PRKCE: variants seen among roughly 807,000 people sequenced by gnomAD.
PRKCE encodes the protein protein kinase C epsilon, also known as protein kinase C epsilon type.
Under a neutral mutation model 85.4 loss-of-function variants are expected in PRKCE, and 16 were observed. That is an observed-to-expected ratio of 0.19 (90% CI 0.13 to 0.28). PRKCE has a LOEUF of 0.28. PRKCE is among the 10% of genes least tolerant of loss of function. The pLI is 1.00. For missense variants in PRKCE, 573 were observed against 975.2 expected (o/e 0.59, Z 5.49); for synonymous variants, 388 against 371.5 (o/e 1.04, Z -0.51).
At chr2:45,980,933 T>C (rs1039583152) in intron 5 of PRKCE, among the ~76,000 whole-genome samples, 7 of 152,224 alleles carry the variant, frequency 4.6e-5, no homozygotes, top group Non-Finnish European at 7.3e-5. Flanking sequence ...TAGATGTTAT[T>C]ATCTTCATTT....
intron 2 of PRKCE, among the ~76,000 whole-genome samples, chr2:45,973,915 A>C (rs907197565): frequency 5.9e-5 from 9 of 152,236 alleles, no homozygotes; most frequent in Non-Finnish European, 8.8e-5. Context: ...TCAATTTGAG[A>C]GATTTGTAAA....
At chr2:45,814,607 A>G (rs1038201606) in intron 1 of PRKCE, among the ~76,000 whole-genome samples, 3 of 152,204 alleles carry the variant, frequency 2.0e-5, no homozygotes, top group Non-Finnish European at 4.4e-5. Context: ...CTCCCTCATC[A>G]CCACCGATCT....
intron 1 of PRKCE, among the ~76,000 whole-genome samples, chr2:45,805,596 C>CTTT (rs529307964): frequency 1.3e-3 from 188 of 142,628 alleles, no homozygotes; most frequent in South Asian, 6.5e-3. Context: ...TTACCTTCCT[C>CTTT]TTTTTTTTTT....
intron 1 of PRKCE, 50 bp from the exon 2 acceptor site, chr2:45,842,950 G>A (rs1297687993): frequency 6.5e-7 from 1 of 1,546,098 alleles, no homozygotes. Context: ...GAACTCTTAG[G>A]TTGCCCACAC....
chr2:46,017,414 T>C (rs985390464), intron 10 of PRKCE, among the ~76,000 whole-genome samples: 2 of 152,242 alleles, frequency 1.3e-5, no homozygotes, highest in African/African-American at 4.8e-5. Context: ...CCAAATACTA[T>C]TCTATCATGT....
At chr2:46,058,603 C>T (rs779985820) in intron 10 of PRKCE, among the ~76,000 whole-genome samples, 8 of 152,126 alleles carry the variant, frequency 5.3e-5, no homozygotes, top group Non-Finnish European at 1.2e-4. Context: ...CACCTGGTGG[C>T]GGAGTGTCGG....
intron 1 of PRKCE, among the ~76,000 whole-genome samples, chr2:45,832,369 G>A (rs1690501911): frequency 6.7e-6 from 1 of 148,840 alleles, no homozygotes; most frequent in Non-Finnish European, 1.5e-5. Context: ...CTGGAGTGCA[G>A]GGAGGCAATT....
chr2:46,042,809 C>T (rs1708289978), intron 10 of PRKCE, among the ~76,000 whole-genome samples: 1 of 152,228 alleles, frequency 6.6e-6, no homozygotes, highest in Non-Finnish European at 1.5e-5. Flanking sequence ...GTAACTCCAG[C>T]CTGACTGTGG....
chr2:45,874,679 C>G (rs1312551637), intron 2 of PRKCE, among the ~76,000 whole-genome samples: 1 of 152,214 alleles, frequency 6.6e-6, no homozygotes, highest in Non-Finnish European at 1.5e-5. Flanking sequence ...TCATCCTAGC[C>G]TTCAGATTCT....
chr2:46,127,106 T>A (rs4952801), intron 11 of PRKCE, among the ~76,000 whole-genome samples: 15,795 of 152,060 alleles, frequency 0.1, 991 homozygotes, highest in African/African-American at 0.17. Context: ...TGGGCCTTCC[T>A]GGTTAGCTCT....
intron 1 of PRKCE, among the ~76,000 whole-genome samples, chr2:45,790,035 T>C (rs931975367): frequency 1.3e-5 from 2 of 152,156 alleles, no homozygotes; most frequent in African/African-American, 4.8e-5. Flanking sequence ...AGAGTGGCCC[T>C]GAATTACAGA....
At chr2:45,876,428 C>T (rs1389289152) in intron 2 of PRKCE, among the ~76,000 whole-genome samples, 1 of 152,226 alleles carries the variant, frequency 6.6e-6, no homozygotes, top group African/African-American at 2.4e-5. Context: ...TACTTAAAAG[C>T]ACTAGCTCTT....
chr2:45,886,399 T>A (rs1558795271), intron 2 of PRKCE, among the ~76,000 whole-genome samples: 2 of 152,154 alleles, frequency 1.3e-5, no homozygotes, highest in Non-Finnish European at 2.9e-5. Context: ...CACTATGAGA[T>A]TGTGTGAAGA....
chr2:45,815,133 A>C (rs1558703144), intron 1 of PRKCE, among the ~76,000 whole-genome samples: 1 of 152,208 alleles, frequency 6.6e-6, no homozygotes, highest in Non-Finnish European at 1.5e-5. Flanking sequence ...CCAGAACCTC[A>C]TTACCATTTA....
chr2:45,682,860 G>A (rs561525479), intron 1 of PRKCE, among the ~76,000 whole-genome samples: 3 of 152,146 alleles, frequency 2.0e-5, no homozygotes, highest in Admixed American at 6.5e-5. Flanking sequence ...GGTGTGAGCC[G>A]CCACGCCCAG....
At chr2:46,098,804 T>G (rs1250930355) in intron 11 of PRKCE, among the ~76,000 whole-genome samples, 4 of 152,290 alleles carry the variant, frequency 2.6e-5, no homozygotes, top group African/African-American at 9.6e-5. Context: ...AAAATGAGAA[T>G]TGTTTCAGCA....
chr2:45,889,671 T>C lies in PRKCE; in HGVS notation c.412+46608T>C, dbSNP rs531199512. Reference sequence around the variant, plus strand: ...AAGTCAGGCATGCCTTAAATAGACTTCCCAGGAATGGGAAATGGCAGCTGC... The same window carrying C: ...AAGTCAGGCATGCCTTAAATAGACTCCCCAGGAATGGGAAATGGCAGCTGC... On this transcript the variant is annotated intron_variant, in intron 2 of 14. Coordinates refer to ENST00000306156, the MANE Select transcript of PRKCE (RefSeq NM_005400.3). Among the ~76,000 whole-genome samples the C allele has an allele frequency of 3.3e-5, 5 of 152,312 alleles. No homozygotes were observed. The South Asian group carries it at 1.0e-3, about 32-fold the overall frequency.
rs1170435225 is a variant in PRKCE, at chr2:46,184,134, C to T, written c.2068-601C>T. ...AGACAAGGTCTCTGCCTTTAAGAAG[C>T]TCTTGGTCTAGACAAAAGCATAAAA... is the stretch of plus-strand genomic sequence containing the variant. On this transcript the variant is annotated intron_variant, in intron 14 of 14. Coordinates refer to ENST00000306156, the MANE Select transcript of PRKCE (RefSeq NM_005400.3). The surrounding 1 kb of genome is among the most constrained non-coding windows in gnomAD (Gnocchi z 5.0). Among the ~76,000 whole-genome samples, 6 of 152,148 alleles carry T rather than the reference C, an allele frequency of 3.9e-5. No individual in the cohort carries two copies. The highest frequency in any genetic ancestry group is 1.4e-4 in the African/African-American group (6 of 41,406).
At chr2:45,872,232 GT>G (rs1443570357) in intron 2 of PRKCE, among the ~76,000 whole-genome samples, 3 of 152,120 alleles carry the variant, frequency 2.0e-5, no homozygotes, top group Non-Finnish European at 4.4e-5. Flanking sequence ...AGGAAACAAA[GT>G]CAGCCATGCA....
Sources: allele counts gnomAD v4.1 joint callset (sites outside exome capture counted in the v4.1 genomes callset), GRCh38; gene constraint gnomAD v4.1.1; non-coding constraint Gnocchi (gnomAD v3.1); transcripts MANE v1.5; gene names NCBI Gene and HGNC (gene_info 2026-07-23, HGNC 2026-07-21).